Variants in DLG2 observed in about 807,000 individuals in gnomAD.
The protein encoded by DLG2 is discs large MAGUK scaffold protein 2, also known as disks large homolog 2.
In DLG2, 45 loss-of-function variants were observed where a neutral mutation model predicts 132.5. That is an observed-to-expected ratio of 0.34 (90% CI 0.27 to 0.44). DLG2 has a LOEUF of 0.44. Among genes scored for constraint, DLG2 ranks in the 20% least tolerant of loss-of-function variants. The probability of loss-of-function intolerance (pLI) is 1.00; values close to 1 mark genes in which losing one functional copy is unlikely to be tolerated. For missense variants in DLG2, 1,045 were observed against 1,196.9 expected (o/e 0.87, Z 1.87); for synonymous variants, 424 against 419.6 (o/e 1.01, Z -0.13).
At chr11:84,564,937 C>T (rs1392306134) in intron 6 of DLG2, among the ~76,000 whole-genome samples, 2 of 152,156 alleles carry the variant, frequency 1.3e-5, no homozygotes, top group Non-Finnish European at 2.9e-5. Context: ...GTCTATATGA[C>T]TGTGTGATAC....
At chr11:83,471,484 A>G in intron 24 of DLG2, 142 bp downstream of exon 24, 1 of 613,842 alleles carries the variant, frequency 1.6e-6, no homozygotes, top group African/African-American at 1.8e-5. Context: ...CAAATAAATT[A>G]AATAAGGCAC....
intron 6 of DLG2, among the ~76,000 whole-genome samples, chr11:85,043,862 C>T (rs899488586): frequency 6.6e-6 from 1 of 151,686 alleles, no homozygotes; most frequent in African/African-American, 2.4e-5. Flanking sequence ...TCCTCATAAC[C>T]CTATTGCCCT....
chr11:83,738,122 T>C (rs1334445106), intron 18 of DLG2, among the ~76,000 whole-genome samples: 2 of 152,088 alleles, frequency 1.3e-5, no homozygotes, highest in African/African-American at 2.4e-5. Context: ...AAAAGGAGGT[T>C]TAGAACAAGT....
chr11:84,978,593 G>T (rs1009337923), intron 6 of DLG2, among the ~76,000 whole-genome samples: 5 of 152,128 alleles, frequency 3.3e-5, no homozygotes, highest in South Asian at 4.1e-4. Flanking sequence ...AAATGGTGCT[G>T]GGAAAACTGG....
At chr11:83,655,098 C>A (rs1332667767) in intron 18 of DLG2, among the ~76,000 whole-genome samples, 4 of 152,214 alleles carry the variant, frequency 2.6e-5, no homozygotes, top group Non-Finnish European at 4.4e-5. Context: ...CAGTGCTTTT[C>A]TCCATCTTGG....
intron 19 of DLG2, among the ~76,000 whole-genome samples, chr11:83,563,075 T>C (rs1018806612): frequency 6.7e-6 from 1 of 149,886 alleles, no homozygotes; most frequent in African/African-American, 2.5e-5. Context: ...CCTGGGTTCA[T>C]GCCATTCTCC....
chr11:85,120,577 A>T (rs562697186), intron 5 of DLG2, among the ~76,000 whole-genome samples: 2 of 152,062 alleles, frequency 1.3e-5, no homozygotes, highest in African/African-American at 4.8e-5. Context: ...CCTATTTAGA[A>T]CTCTATTTAA....
chr11:83,541,865 G>A lies in DLG2; in HGVS notation c.1941-7C>T. ...GTCGTAGTCGAACATGGCTCTGGAG[G>A]AAAGGACAAAAGAGGACATTGTTAG... On this transcript the variant is annotated splice_region_variant and splice_polypyrimidine_tract_variant and intron_variant, in intron 19 of 27. Coordinates refer to ENST00000376104, the MANE Select transcript of DLG2 (RefSeq NM_001142699.3). 6.3e-7 allele frequency: 1 copy of A among 1,596,638 alleles called. No individual in the cohort carries two copies. The highest frequency in any genetic ancestry group is 8.5e-7 in the Non-Finnish European group (1 of 1,171,016).
chr11:84,580,279 A>G (rs2154529023), intron 6 of DLG2, among the ~76,000 whole-genome samples: 1 of 152,346 alleles, frequency 6.6e-6, no homozygotes, highest in South Asian at 2.1e-4. Context: ...ATGTATATTA[A>G]AACAAATATA....
intron 4 of DLG2, among the ~76,000 whole-genome samples, chr11:85,181,507 A>T (rs2079700934): frequency 6.6e-6 from 1 of 151,740 alleles, no homozygotes; most frequent in South Asian, 2.1e-4. Context: ...TTTAGAAAGC[A>T]GGTGTCATGT....
intron 6 of DLG2, among the ~76,000 whole-genome samples, chr11:84,742,636 C>G (rs1162747321): frequency 6.6e-6 from 1 of 152,114 alleles, no homozygotes; most frequent in Admixed American, 6.5e-5. Flanking sequence ...ACTGATGAAC[C>G]TTTATTGAGA....
intron 6 of DLG2, among the ~76,000 whole-genome samples, chr11:84,552,244 C>A (rs147874865): frequency 0.013 from 2,019 of 152,206 alleles, 53 homozygotes; most frequent in African/African-American, 0.047. Flanking sequence ...TAGAATATTC[C>A]ACTTGCCTTC....
At chr11:84,441,091 T>C (rs80268399) in intron 7 of DLG2, among the ~76,000 whole-genome samples, 1,607 of 151,902 alleles carry the variant, frequency 0.011, 25 homozygotes, top group African/African-American at 0.036. Context: ...ATATTTGATA[T>C]GTATATTTGA....
intron 7 of DLG2, among the ~76,000 whole-genome samples, chr11:84,464,422 T>C (rs1378111393): frequency 6.6e-6 from 1 of 151,250 alleles, no homozygotes; most frequent in Admixed American, 6.6e-5. Context: ...TGTAAGAATC[T>C]AGTTATGTGA....
At chr11:85,351,970 T>C (rs539722860) in intron 3 of DLG2, among the ~76,000 whole-genome samples, 1 of 152,336 alleles carries the variant, frequency 6.6e-6, no homozygotes, top group South Asian at 2.1e-4. Context: ...ATTGGAATAG[T>C]TTCAGAAAGA....
At chr11:85,624,131 G>A (rs982936505) in intron 2 of DLG2, among the ~76,000 whole-genome samples, 1 of 152,146 alleles carries the variant, frequency 6.6e-6, no homozygotes, top group Admixed American at 6.5e-5. Flanking sequence ...GTAAAAATGC[G>A]AAGAGACTAG....
chr11:85,431,145 C>T (rs540837642), intron 3 of DLG2, among the ~76,000 whole-genome samples: 2 of 152,290 alleles, frequency 1.3e-5, no homozygotes, highest in Admixed American at 1.3e-4. Context: ...GTCCAAATAT[C>T]CACTTTCAGA....
At chr11:85,444,681 G>A (rs1380731674) in intron 3 of DLG2, among the ~76,000 whole-genome samples, 1 of 152,170 alleles carries the variant, frequency 6.6e-6, no homozygotes, top group Non-Finnish European at 1.5e-5. Context: ...AAAGATCTCT[G>A]GTCTATGTTC....
rs371055792 is a variant in DLG2 at position 85,468,785 on chromosome 11, T to G, written c.40+129872A>C. Among the ~76,000 whole-genome samples the G allele has an allele frequency of 2.6e-5, 4 of 152,194 alleles. No homozygotes were observed. The South Asian group carries it at 8.3e-4, about 32-fold the overall frequency. On this transcript the variant is annotated intron_variant, in intron 3 of 27. Transcript: ENST00000376104. Reference sequence around the variant, plus strand: ...GTGTGGTGCTGAAAAGAATGTATATTCTGTTGATTTGGGGTGCAGAGTTCT... The same window carrying G: ...GTGTGGTGCTGAAAAGAATGTATATGCTGTTGATTTGGGGTGCAGAGTTCT...
Sources: allele counts gnomAD v4.1 joint callset (sites outside exome capture counted in the v4.1 genomes callset), GRCh38; gene constraint gnomAD v4.1.1; transcripts MANE v1.5; gene names NCBI Gene and HGNC (gene_info 2026-07-23, HGNC 2026-07-21).